The following PCDHGA2 variants were observed in gnomAD, a reference collection of about 807,000 sequenced individuals.
The protein encoded by PCDHGA2 is protocadherin gamma subfamily A, 2, also known as protocadherin gamma-A2.
Under a neutral mutation model 59.2 loss-of-function variants are expected in PCDHGA2, and 40 were observed. The ratio of observed to expected loss-of-function variants is 0.68; its 90% CI spans 0.52 to 0.88. PCDHGA2 has a LOEUF of 0.88. PCDHGA2 is among the 40% of genes least tolerant of loss of function. The pLI, the probability that PCDHGA2 is intolerant of heterozygous loss-of-function variation, is 0.00. For synonymous variants in PCDHGA2, 560 were observed against 526.0 expected (o/e 1.06, Z -0.89); for missense variants, 1,226 against 1,204.0 (o/e 1.02, Z -0.27).
At chr5:141,419,757 G>A (rs1468216226) in intron 1 of PCDHGA2, 5 of 1,613,876 alleles carry the variant, frequency 3.1e-6, no homozygotes, top group African/African-American at 1.3e-5. Flanking sequence ...CGTGCTTTGG[G>A]TGACAAGGAC....
At position 141,491,744 on chromosome 5, in the gene PCDHGA2, C is replaced by T; in HGVS notation, c.2425-3063C>T. 6.3e-7 allele frequency: 1 copy of T among 1,592,720 alleles called. No individual in the cohort carries two copies. Among genetic ancestry groups the T allele is most frequent in the African/African-American group, 1.3e-5 (1 of 74,122 alleles). Reference sequence around the variant, plus strand: ...CCCCGGGCGACCCCTGGGGGCGGCACTGGAGAAGCCGCCCGTCCTCATAAG... The same window carrying T: ...CCCCGGGCGACCCCTGGGGGCGGCATTGGAGAAGCCGCCCGTCCTCATAAG... On this transcript the variant is annotated intron_variant, in intron 1 of 3. Transcript: ENST00000394576. The surrounding 1 kb of genome is among the most constrained non-coding windows in gnomAD (Gnocchi z 6.9).
chr5:141,396,962 T>C (rs2150689685), intron 1 of PCDHGA2, among the ~76,000 whole-genome samples: 1 of 152,308 alleles, frequency 6.6e-6, no homozygotes, highest in South Asian at 2.1e-4. Flanking sequence ...ATCCTTACTC[T>C]CCCTAAAAAT....
chr5:141,426,794 G>C (rs1319220934), intron 1 of PCDHGA2: 1 of 456,708 alleles, frequency 2.2e-6, no homozygotes, highest in East Asian at 6.9e-5. Flanking sequence ...AGAGTTACCA[G>C]CTCAGTTCTA....
intron 1 of PCDHGA2, chr5:141,376,198 G>A (rs1772399318): frequency 6.2e-7 from 1 of 1,614,072 alleles, no homozygotes; most frequent in South Asian, 1.1e-5. Context: ...GCGTCTTCCT[G>A]GCCTTCGTCA....
intron 1 of PCDHGA2, chr5:141,356,480 AG>A: frequency 6.2e-7 from 1 of 1,613,992 alleles, no homozygotes; most frequent in South Asian, 1.1e-5. Flanking sequence ...GCCACTGACC[AG>A]GGAACTCCTC....
intron 1 of PCDHGA2, chr5:141,355,318 G>T (rs963609371): frequency 1.2e-6 from 2 of 1,613,972 alleles, no homozygotes; most frequent in Non-Finnish European, 1.7e-6. Flanking sequence ...TGAGGAGCAG[G>T]AAGAAGGCTC....
chr5:141,414,615 G>T, intron 1 of PCDHGA2: 1 of 1,613,962 alleles, frequency 6.2e-7, no homozygotes, highest in Non-Finnish European at 8.5e-7. Flanking sequence ...CAGTGACAGC[G>T]CTGGACCCGG....
intron 1 of PCDHGA2, among the ~76,000 whole-genome samples, chr5:141,425,257 G>A (rs746250240): frequency 6.6e-6 from 1 of 152,152 alleles, no homozygotes; most frequent in Non-Finnish European, 1.5e-5. Context: ...TGAGGTATTT[G>A]GCTGGGAAAA....
At chr5:141,428,613 CAAGAT>C (rs1385471747) in intron 1 of PCDHGA2, 1 of 212,608 alleles carries the variant, frequency 4.7e-6, no homozygotes, top group African/African-American at 2.3e-5. Flanking sequence ...AAGAGAATAA[CAAGAT>C]AAGCTCTAAC....
At chr5:141,374,497 G>T in intron 1 of PCDHGA2, 5 of 1,611,562 alleles carry the variant, frequency 3.1e-6, no homozygotes, top group Non-Finnish European at 4.2e-6. Flanking sequence ...AGGAAGAATT[G>T]GAAGTGAAAA....
chr5:141,357,353 G>C (rs772395094), intron 1 of PCDHGA2: 11 of 1,614,124 alleles, frequency 6.8e-6, no homozygotes, highest in Non-Finnish European at 9.3e-6. Context: ...AAGCTGAGAC[G>C]CTGGCACAAG....
chr5:141,484,512 G>A (rs1178383152), intron 1 of PCDHGA2, among the ~76,000 whole-genome samples: 47 of 152,196 alleles, frequency 3.1e-4, no homozygotes, highest in Non-Finnish European at 4.0e-4. Context: ...TTCTGCAGAA[G>A]GGCAGAGTTT....
chr5:141,478,381 C>T (rs931860600), intron 1 of PCDHGA2: 22 of 1,613,664 alleles, frequency 1.4e-5, no homozygotes, highest in Non-Finnish European at 1.8e-5. Flanking sequence ...TGTCGCCGCA[C>T]CTTTACCATC....
chr5:141,362,282 G>A (rs750712376), intron 1 of PCDHGA2: 1 of 1,614,038 alleles, frequency 6.2e-7, no homozygotes, highest in Non-Finnish European at 8.5e-7. Context: ...CTGCGCCTGC[G>A]ACTCTCTTCC....
At chr5:141,344,862 G>A (rs1757484373) in intron 1 of PCDHGA2, 1 of 1,613,994 alleles carries the variant, frequency 6.2e-7, no homozygotes, top group Middle Eastern at 1.6e-4. Flanking sequence ...CAATGCTCAA[G>A]TGTCTTATAT....
chr5:141,352,325 G>T, intron 1 of PCDHGA2: 13 of 1,614,080 alleles, frequency 8.1e-6, no homozygotes, highest in Non-Finnish European at 1.1e-5. Context: ...GTTTTACCTG[G>T]TTGTGGCCTT....
chr5:141,362,677 G>T, intron 1 of PCDHGA2: 2 of 1,225,610 alleles, frequency 1.6e-6, no homozygotes, highest in Non-Finnish European at 1.1e-6. Context: ...TGCCTTAATT[G>T]TCTTAATCTT....
At chr5:141,351,213 A>G in intron 1 of PCDHGA2, 1 of 1,614,080 alleles carries the variant, frequency 6.2e-7, no homozygotes, top group Non-Finnish European at 8.5e-7. Flanking sequence ...GTGGAAGCTA[A>G]GGATGGAGGA....
chr5:141,507,554 A>C (rs1384910590), intron 3 of PCDHGA2, among the ~76,000 whole-genome samples: 2 of 152,258 alleles, frequency 1.3e-5, no homozygotes, highest in African/African-American at 4.8e-5. Context: ...TGAAAGTGGC[A>C]GGCGGCTGGG....
Sources: gnomAD v4.1 joint callset for allele counts (sites outside exome capture counted in the v4.1 genomes callset) on GRCh38, gnomAD v4.1.1 for gene constraint, Gnocchi (gnomAD v3.1) non-coding constraint, MANE v1.5 for transcripts, NCBI Gene and HGNC (gene_info 2026-07-23, HGNC 2026-07-21) for gene names.